The following GSG1L variants were observed in gnomAD, a reference collection of about 807,000 sequenced individuals.
The protein encoded by GSG1L is germ cell-specific gene 1-like protein.
Under a neutral mutation model 42.1 loss-of-function variants are expected in GSG1L, and 24 were observed. That is an observed-to-expected ratio of 0.57 (90% CI 0.41 to 0.80). The LOEUF (loss-of-function observed/expected upper bound fraction) is 0.80, where lower values mean the gene tolerates loss of function less well. Ranked by LOEUF, GSG1L falls within the 30% of genes least tolerant of loss-of-function variation. The pLI is 0.00. For missense variants in GSG1L, 445 were observed against 472.2 expected, an observed-to-expected ratio of 0.94 and a Z score of 0.53; for synonymous variants, 215 against 203.5, an observed-to-expected ratio of 1.06 and a Z score of -0.48.
At chr16:28,006,202 A>AC (rs2085636196) in intron 1 of GSG1L, among the ~76,000 whole-genome samples, 1 of 152,222 alleles carries the variant, frequency 6.6e-6, no homozygotes, top group Admixed American at 6.5e-5. Context: ...CATCTGTAGG[A>AC]ACTGAATTCT....
intron 5 of GSG1L, among the ~76,000 whole-genome samples, chr16:27,808,759 C>T (rs550013281): frequency 2.0e-5 from 3 of 152,296 alleles, no homozygotes; most frequent in Non-Finnish European, 2.9e-5. Flanking sequence ...TCTTCCCCAC[C>T]AACAATTGCA....
chr16:27,915,001 ACGGCTGTG>A (rs2084436091), intron 2 of GSG1L, among the ~76,000 whole-genome samples: 1 of 152,072 alleles, frequency 6.6e-6, no homozygotes, highest in Non-Finnish European at 1.5e-5. Flanking sequence ...TGATCACTGA[ACGGCTGTG>A]ATTCCAAATG....
intron 4 of GSG1L, among the ~76,000 whole-genome samples, chr16:27,829,697 C>T (rs540129308): frequency 6.6e-6 from 1 of 152,248 alleles, no homozygotes; most frequent in South Asian, 2.1e-4. Flanking sequence ...TAGGTATGTG[C>T]CACTGCTCCC....
At chr16:27,993,162 T>A (rs138848693) in intron 1 of GSG1L, among the ~76,000 whole-genome samples, 91 of 152,330 alleles carry the variant, frequency 6.0e-4, no homozygotes, top group African/African-American at 2.1e-3. Flanking sequence ...TTTGTTGTTG[T>A]TGTTGAGACA....
At chr16:27,847,139 T>TA (rs1471492063) in intron 3 of GSG1L, among the ~76,000 whole-genome samples, 1 of 152,192 alleles carries the variant, frequency 6.6e-6, no homozygotes, top group Non-Finnish European at 1.5e-5. Context: ...TAGAGGAGAC[T>TA]AAATGAATGA....
chr16:27,977,920 G>A (rs867018119), intron 1 of GSG1L, among the ~76,000 whole-genome samples: 2 of 152,304 alleles, frequency 1.3e-5, no homozygotes, highest in Middle Eastern at 3.4e-3. Flanking sequence ...CACCTTATGG[G>A]GCAGCTGGAT....
chr16:28,014,168 G>A (rs753542005), intron 1 of GSG1L, among the ~76,000 whole-genome samples: 2 of 152,226 alleles, frequency 1.3e-5, no homozygotes, highest in Non-Finnish European at 2.9e-5. Flanking sequence ...GGAGGAAGTG[G>A]CCATTTTGTG....
intron 2 of GSG1L, among the ~76,000 whole-genome samples, chr16:27,961,028 GAC>G (rs141642419): frequency 1.7e-4 from 25 of 151,314 alleles, no homozygotes; most frequent in South Asian, 4.2e-4. Context: ...ACTGTACACA[GAC>G]ACACACACAC....
At chr16:27,979,867 AGAAAG>A (rs2085306850) in intron 1 of GSG1L, among the ~76,000 whole-genome samples, 1 of 151,902 alleles carries the variant, frequency 6.6e-6, no homozygotes, top group African/African-American at 2.4e-5. Context: ...AGAGAAAGAA[AGAAAG>A]GAAAGAAAGA....
intron 3 of GSG1L, among the ~76,000 whole-genome samples, chr16:27,874,706 G>T (rs2141015120): frequency 6.6e-6 from 1 of 152,246 alleles, no homozygotes; most frequent in African/African-American, 2.4e-5. Context: ...GCTCTGCATT[G>T]AGACCCTTGC....
intron 2 of GSG1L, among the ~76,000 whole-genome samples, chr16:27,926,485 A>G (rs944256517): frequency 3.3e-5 from 5 of 151,532 alleles, no homozygotes; most frequent in African/African-American, 1.2e-4. Flanking sequence ...CCTGGCCAAC[A>G]TGGTGAAATC....
chr16:27,814,408 G>A lies in GSG1L; in HGVS notation c.831-6854C>T, dbSNP rs140460701. The stretch of plus-strand genomic sequence containing the variant: ...ATTACAGGCGTGAGCCACTGTACCC[G>A]GCCCCCTTAATACATTTTCAACTCA... On this transcript the variant is annotated intron_variant, in intron 5 of 6. Transcript: ENST00000447459. 2.1e-3 allele frequency among the ~76,000 whole-genome samples: 318 copies of A among 152,258 alleles called. 1 individual carries two copies. Among genetic ancestry groups the A allele is most frequent in the African/African-American group, 7.1e-3 (295 of 41,546 alleles).
At chr16:27,846,292 C>G (rs184666355) in intron 3 of GSG1L, among the ~76,000 whole-genome samples, 1 of 152,268 alleles carries the variant, frequency 6.6e-6, no homozygotes, top group East Asian at 1.9e-4. Context: ...CTGAGTCTCT[C>G]TGGAATTGTT....
chr16:28,011,535 C>A (rs1483924454), intron 1 of GSG1L, among the ~76,000 whole-genome samples: 3 of 152,170 alleles, frequency 2.0e-5, no homozygotes, highest in Admixed American at 2.0e-4. Context: ...CCATGTGTGG[C>A]CCAGTCCTGC....
Position 27,990,116 on chromosome 16 carries a change from A to G in GSG1L, c.350-26913T>C, listed in dbSNP as rs139750576. Among the ~76,000 whole-genome samples, 581 of 152,288 alleles carry G rather than the reference A, an allele frequency of 3.8e-3. 1 individual carries two copies. The highest frequency in any genetic ancestry group is 0.013 in the African/African-American group (551 of 41,556). Reference sequence around the variant, plus strand: ...TAACCCAACATCAAGCAGAACAAGAATTACTCACATGGGTCTGAAATAATA... The same window carrying G: ...TAACCCAACATCAAGCAGAACAAGAGTTACTCACATGGGTCTGAAATAATA... On this transcript the variant is annotated intron_variant, in intron 1 of 6. Coordinates refer to ENST00000447459, the MANE Select transcript of GSG1L (RefSeq NM_001109763.2).
intron 1 of GSG1L, among the ~76,000 whole-genome samples, chr16:28,031,435 G>A (rs529825640): frequency 6.7e-6 from 1 of 149,046 alleles, no homozygotes; most frequent in African/African-American, 2.5e-5. Context: ...GGTTGGCATG[G>A]GATGATGGGA....
intron 1 of GSG1L, among the ~76,000 whole-genome samples, chr16:28,006,763 A>C (rs1170344740): frequency 1.3e-5 from 2 of 152,158 alleles, no homozygotes; most frequent in Non-Finnish European, 2.9e-5. Flanking sequence ...ATGCCAGGCA[A>C]ATGGGAGTGG....
chr16:28,009,589 C>G (rs74015197), intron 1 of GSG1L, among the ~76,000 whole-genome samples: 1 of 152,194 alleles, frequency 6.6e-6, no homozygotes, highest in African/African-American at 2.4e-5. Flanking sequence ...TGAGTAAATG[C>G]GTGCTGTGTC....
At chr16:27,929,949 G>A (rs1266195161) in intron 2 of GSG1L, among the ~76,000 whole-genome samples, 2 of 151,966 alleles carry the variant, frequency 1.3e-5, no homozygotes, top group Non-Finnish European at 2.9e-5. Flanking sequence ...CCTAGAACAG[G>A]CCATGTGCAA....
Sources: gnomAD v4.1 joint callset for allele counts (sites outside exome capture counted in the v4.1 genomes callset) on GRCh38, gnomAD v4.1.1 for gene constraint, MANE v1.5 for transcripts, NCBI Gene and HGNC (gene_info 2026-07-23, HGNC 2026-07-21) for gene names.